DLGAP2: variants seen among roughly 807,000 people sequenced by gnomAD.
DLGAP2 encodes the protein disks large-associated protein 2.
A neutral mutation model predicts 100.3 loss-of-function variants in DLGAP2; 26 were observed. That is an observed-to-expected ratio of 0.26 (90% CI 0.19 to 0.36). The LOEUF is 0.36. Ranked by LOEUF, DLGAP2 falls within the 10% of genes least tolerant of loss-of-function variation. DLGAP2 has a pLI of 1.00. For missense variants in DLGAP2, 1,858 were observed against 1,453.2 expected (o/e 1.28, Z -4.53); for synonymous variants, 886 against 630.1 (o/e 1.41, Z -6.08).
At chr8:1,427,317 T>G (rs1318757176) in intron 3 of DLGAP2, among the ~76,000 whole-genome samples, 1 of 152,206 alleles carries the variant, frequency 6.6e-6, no homozygotes, top group African/African-American at 2.4e-5. Context: ...AAATGTAATA[T>G]GATAAATATG....
At chr8:1,191,352 G>A (rs373920640) in intron 2 of DLGAP2, among the ~76,000 whole-genome samples, 319 of 151,852 alleles carry the variant, frequency 2.1e-3, no homozygotes, top group Middle Eastern at 3.4e-3. Flanking sequence ...TTGTATTTTT[G>A]GTAGAGACGG....
chr8:1,307,080 T>C (rs1400888517), intron 3 of DLGAP2, among the ~76,000 whole-genome samples: 1 of 152,196 alleles, frequency 6.6e-6, no homozygotes, highest in Admixed American at 6.5e-5. Context: ...AGGGACACTT[T>C]CAGCTGAATG....
In DLGAP2 at chr8:1,423,691, T is replaced by C. The variant is rs191080668; in HGVS notation, c.107-77675T>C. On this transcript the variant is annotated intron_variant, in intron 3 of 14. Transcript: ENST00000637795. ...GCGTTGAGAGCCTGGCATGTGTAGC[T>C]GCTAACACCATTGACAGAGTGTGCA... Among the ~76,000 whole-genome samples, 196 of 152,304 alleles carry C rather than the reference T, an allele frequency of 1.3e-3. 2 individuals are homozygous for C. The highest frequency in any genetic ancestry group is 4.5e-3 in the African/African-American group (189 of 41,554).
At chr8:1,585,365 G>T (rs568380856) in intron 6 of DLGAP2, among the ~76,000 whole-genome samples, 8 of 126,338 alleles carry the variant, frequency 6.3e-5, no homozygotes, top group African/African-American at 2.2e-4. Flanking sequence ...CCAGGTGGCC[G>T]AGCCAGGAGA....
intron 1 of DLGAP2, among the ~76,000 whole-genome samples, chr8:742,771 G>A (rs1050177963): frequency 2.6e-5 from 4 of 151,934 alleles, no homozygotes; most frequent in African/African-American, 9.7e-5. Context: ...GCCTCCTCAA[G>A]TGCTGGGATT....
chr8:1,532,781 G>T (rs906521257), intron 4 of DLGAP2, among the ~76,000 whole-genome samples: 3 of 152,208 alleles, frequency 2.0e-5, no homozygotes, highest in Non-Finnish European at 4.4e-5. Flanking sequence ...ACTGACGTCA[G>T]TTAGGAGGTT....
intron 3 of DLGAP2, among the ~76,000 whole-genome samples, chr8:1,379,233 C>T (rs769892816): frequency 1.3e-5 from 2 of 152,264 alleles, no homozygotes; most frequent in Non-Finnish European, 2.9e-5. Flanking sequence ...TTTTAGCTCA[C>T]GTCCATGCAG....
chr8:1,274,086 A>G lies in DLGAP2; in HGVS notation c.106+15203A>G, dbSNP rs7835259. 3.9e-3 allele frequency among the ~76,000 whole-genome samples: 590 copies of G among 152,322 alleles called. 7 individuals are homozygous for G. Among genetic ancestry groups the G allele is most frequent in the African/African-American group, 0.013 (552 of 41,586 alleles). On this transcript the variant is annotated intron_variant, in intron 3 of 14. Transcript: ENST00000637795. ...TAACAGCGTGACGGCTCTGTTCAGC[A>G]TATCGGAATTTGCAAGAGTCAGATT...
intron 3 of DLGAP2, among the ~76,000 whole-genome samples, chr8:1,320,956 C>T (rs572062099): frequency 1.3e-5 from 2 of 152,268 alleles, no homozygotes; most frequent in East Asian, 1.9e-4. Context: ...TGTGTGTGTG[C>T]ATGCATCCCT....
intron 4 of DLGAP2, among the ~76,000 whole-genome samples, chr8:1,527,121 C>T (rs1299428169): frequency 6.6e-6 from 1 of 152,250 alleles, no homozygotes; most frequent in Non-Finnish European, 1.5e-5. Flanking sequence ...GTCTACACCG[C>T]GGGCTCACGT....
At chr8:1,208,058 C>G (rs1374669029) in intron 2 of DLGAP2, among the ~76,000 whole-genome samples, 2 of 152,168 alleles carry the variant, frequency 1.3e-5, no homozygotes, top group African/African-American at 2.4e-5. Flanking sequence ...TGTGCAGAAG[C>G]TTTTTAGTTT....
intron 2 of DLGAP2, among the ~76,000 whole-genome samples, chr8:1,212,731 CT>C (rs1798131441): frequency 1.3e-5 from 2 of 151,566 alleles, no homozygotes; most frequent in Non-Finnish European, 2.9e-5. Flanking sequence ...TTTCCAGTAC[CT>C]TTTTGCCAAG....
chr8:1,337,530 G>C (rs1187594070), intron 3 of DLGAP2, among the ~76,000 whole-genome samples: 1 of 150,508 alleles, frequency 6.6e-6, no homozygotes, highest in African/African-American at 2.5e-5. Flanking sequence ...TGATGATAGT[G>C]ATGATGATGA....
chr8:1,599,224 C>T (rs1053491746), intron 6 of DLGAP2, among the ~76,000 whole-genome samples: 3 of 152,066 alleles, frequency 2.0e-5, no homozygotes, highest in South Asian at 2.1e-4. Flanking sequence ...GCACTGTGGT[C>T]GGAGAGACTG....
chr8:1,363,672 G>A lies in DLGAP2; in HGVS notation c.106+104789G>A, dbSNP rs534677920. ...CCTCTTGACCTTGCTTCTGGGTGGG[G>A]ACAACAGTCAGGACATGGAGAGAAG... On this transcript the variant is annotated intron_variant, in intron 3 of 14. Coordinates refer to ENST00000637795, the MANE Select transcript of DLGAP2 (RefSeq NM_001346810.2). 7.2e-5 allele frequency among the ~76,000 whole-genome samples: 11 copies of A among 152,270 alleles called. No individual in the cohort carries two copies. In the East Asian group the frequency reaches 1.2e-3, roughly 16 times the overall value.
At chr8:1,370,106 A>C (rs556246158) in intron 3 of DLGAP2, among the ~76,000 whole-genome samples, 1 of 152,116 alleles carries the variant, frequency 6.6e-6, no homozygotes, top group Non-Finnish European at 1.5e-5. Flanking sequence ...TTTCTCCCAC[A>C]GGTCTTCGGA....
chr8:840,548 G>A (rs1269148082), intron 1 of DLGAP2, among the ~76,000 whole-genome samples: 1 of 66,344 alleles, frequency 1.5e-5, no homozygotes. Context: ...CCCACACTCT[G>A]GATTCTGCGA....
intron 3 of DLGAP2, among the ~76,000 whole-genome samples, chr8:1,377,640 C>T (rs1795989828): frequency 6.6e-6 from 1 of 152,222 alleles, no homozygotes; most frequent in African/African-American, 2.4e-5. Context: ...CTGTCAGAAC[C>T]CAGTGTGCCC....
At chr8:748,563 G>T (rs1397795958) in intron 1 of DLGAP2, among the ~76,000 whole-genome samples, 2 of 152,178 alleles carry the variant, frequency 1.3e-5, no homozygotes, top group African/African-American at 2.4e-5. Flanking sequence ...GCATAGAGGA[G>T]CCGAGAGATA....
Sources: allele counts gnomAD v4.1 joint callset (sites outside exome capture counted in the v4.1 genomes callset), GRCh38; gene constraint gnomAD v4.1.1; transcripts MANE v1.5; gene names NCBI Gene and HGNC (gene_info 2026-07-23, HGNC 2026-07-21).